DLGAP1: variants seen among roughly 807,000 people sequenced by gnomAD.
The protein encoded by DLGAP1 is DLG associated protein 1.
A neutral mutation model predicts 90.8 loss-of-function variants in DLGAP1; 11 were observed. The ratio of observed to expected loss-of-function variants is 0.12; its 90% CI spans 0.08 to 0.20. The LOEUF is 0.20. Among genes scored for constraint, DLGAP1 ranks in the 10% least tolerant of loss-of-function variants. The probability of loss-of-function intolerance (pLI) is 1.00; values close to 1 mark genes in which losing one functional copy is unlikely to be tolerated. For synonymous variants in DLGAP1, 558 were observed against 540.7 expected (o/e 1.03, Z -0.44); for missense variants, 1,050 against 1,333.8 (o/e 0.79, Z 3.31).
rs144507897 is a variant in DLGAP1 at position 3,802,141 on chromosome 18, T to C, written c.1172+11918A>G. Among the ~76,000 whole-genome samples the C allele has an allele frequency of 8.8e-3, 1,347 of 152,220 alleles. 14 individuals are homozygous for C. The highest frequency in any genetic ancestry group is 9.7e-3 in the Admixed American group (149 of 15,290). On this transcript the variant is annotated intron_variant, in intron 5 of 12. Coordinates refer to ENST00000315677, the MANE Select transcript of DLGAP1 (RefSeq NM_004746.4). ...CTGGGACTACAGGTGTGTGCCACCA[T>C]GCCTGGCTAATTTTTGTATTTTTAG...
intron 1 of DLGAP1, among the ~76,000 whole-genome samples, chr18:4,330,394 T>C (rs1033967187): frequency 4.0e-5 from 6 of 151,826 alleles, no homozygotes; most frequent in African/African-American, 1.5e-4. Flanking sequence ...CTATTTCCTT[T>C]TTTCTGTTTG....
intron 3 of DLGAP1, among the ~76,000 whole-genome samples, chr18:3,956,346 C>T (rs2073082602): frequency 6.6e-6 from 1 of 152,106 alleles, no homozygotes; most frequent in Admixed American, 6.5e-5. Flanking sequence ...ATCCCTTTAA[C>T]ATTTTTTTTT....
At chr18:4,415,518 C>T (rs11081105) in intron 1 of DLGAP1, among the ~76,000 whole-genome samples, 5,068 of 152,232 alleles carry the variant, frequency 0.033, 277 homozygotes, top group African/African-American at 0.11. Flanking sequence ...CATAATTCCT[C>T]ATACTGAATT....
intron 9 of DLGAP1, among the ~76,000 whole-genome samples, chr18:3,540,815 C>T (rs994556436): frequency 2.0e-5 from 3 of 152,026 alleles, no homozygotes; most frequent in African/African-American, 7.2e-5. Flanking sequence ...TTTCTCTACC[C>T]CAAATAATTG....
intron 5 of DLGAP1, among the ~76,000 whole-genome samples, chr18:3,747,236 A>G (rs569820696): frequency 3.4e-4 from 52 of 152,300 alleles, no homozygotes; most frequent in African/African-American, 1.1e-3. Flanking sequence ...AATGTGCCCT[A>G]TGGATCCTTC....
chr18:3,567,433 G>A (rs1388977323), intron 9 of DLGAP1, 57 bp downstream of exon 9: 8 of 1,421,504 alleles, frequency 5.6e-6, no homozygotes, highest in Non-Finnish European at 7.9e-6. Flanking sequence ...GGGGAAAAAT[G>A]CTTTTACCTT....
chr18:3,876,587 G>A (rs1193651225), intron 4 of DLGAP1, among the ~76,000 whole-genome samples: 1 of 152,178 alleles, frequency 6.6e-6, no homozygotes, highest in Admixed American at 6.5e-5. Context: ...AGGTGCTTTG[G>A]TGTCAAAGAC....
At chr18:4,159,981 G>T (rs1463686926) in intron 1 of DLGAP1, among the ~76,000 whole-genome samples, 2 of 152,128 alleles carry the variant, frequency 1.3e-5, no homozygotes, top group Admixed American at 6.5e-5. Context: ...TCACTTCTTC[G>T]CAAATAAGAT....
At chr18:3,754,422 AT>A (rs559436338) in intron 5 of DLGAP1, among the ~76,000 whole-genome samples, 2,975 of 150,372 alleles carry the variant, frequency 0.02, 52 homozygotes, top group Middle Eastern at 0.09. Context: ...ATGTATTGAA[AT>A]TTTTTTTTTG....
chr18:4,292,053 C>T (rs1484231948), intron 1 of DLGAP1, among the ~76,000 whole-genome samples: 1 of 152,054 alleles, frequency 6.6e-6, no homozygotes, highest in Non-Finnish European at 1.5e-5. Flanking sequence ...ACTAGAAATC[C>T]AGCAATCTAC....
intron 1 of DLGAP1, among the ~76,000 whole-genome samples, chr18:4,202,341 T>G (rs887389043): frequency 6.6e-6 from 1 of 152,152 alleles, no homozygotes; most frequent in Non-Finnish European, 1.5e-5. Flanking sequence ...TAATGGACAC[T>G]GGAGCCTCAG....
chr18:3,988,125 G>C (rs186041528), intron 3 of DLGAP1, among the ~76,000 whole-genome samples: 2 of 152,032 alleles, frequency 1.3e-5, no homozygotes, highest in Admixed American at 1.3e-4. Context: ...GGGGTGATGG[G>C]AGACAGTGAT....
intron 1 of DLGAP1, among the ~76,000 whole-genome samples, chr18:4,332,505 T>C (rs2080974736): frequency 6.6e-6 from 1 of 151,802 alleles, no homozygotes; most frequent in African/African-American, 2.4e-5. Context: ...ATAGTAAAGA[T>C]TAGCAAAAAC....
intron 1 of DLGAP1, among the ~76,000 whole-genome samples, chr18:4,411,242 T>G (rs186350651): frequency 6.6e-6 from 1 of 152,170 alleles, no homozygotes; most frequent in African/African-American, 2.4e-5. Flanking sequence ...GTACAAGGAA[T>G]AGTCCAAACA....
chr18:3,703,559 T>C (rs342486), intron 7 of DLGAP1, among the ~76,000 whole-genome samples: 64,927 of 152,116 alleles, frequency 0.43, 14,513 homozygotes, highest in African/African-American at 0.55. Context: ...GGAGAGCGAG[T>C]GGCTGTTGTC....
At chr18:4,282,130 C>T (rs1223447825) in intron 1 of DLGAP1, among the ~76,000 whole-genome samples, 9 of 152,116 alleles carry the variant, frequency 5.9e-5, no homozygotes, top group East Asian at 3.9e-4. Flanking sequence ...TTTGGGAGGC[C>T]GAGGCGGGCG....
At chr18:3,527,622 CCTCT>C (rs1202026224) in intron 10 of DLGAP1, among the ~76,000 whole-genome samples, 1 of 151,250 alleles carries the variant, frequency 6.6e-6, no homozygotes, top group African/African-American at 2.4e-5. Flanking sequence ...ACAGAGTCTC[CCTCT>C]GTCTCCCAGG....
rs1491507408 is a variant in DLGAP1 at position 3,647,469 on chromosome 18, CCT to C, written c.1592-65223_1592-65222del. ...AACATTATCTGATTTTATTTAAGCT[CCT>C]TTTTTTTTTTTTTAAACCGAGACTT... On this transcript the variant is annotated intron_variant, in intron 7 of 12. Transcript: ENST00000315677. Among the ~76,000 whole-genome samples, 7 of 147,378 alleles carry C rather than the reference CCT, an allele frequency of 4.7e-5. No homozygotes were observed. In the East Asian group the frequency reaches 1.4e-3, roughly 29 times the overall value.
intron 5 of DLGAP1, among the ~76,000 whole-genome samples, chr18:3,760,226 G>A (rs1167301465): frequency 6.6e-6 from 1 of 152,166 alleles, no homozygotes. Context: ...GTGACAAGAG[G>A]CCCAGTGGGA....
Sources: gnomAD v4.1 joint callset for allele counts (sites outside exome capture counted in the v4.1 genomes callset) on GRCh38, gnomAD v4.1.1 for gene constraint, MANE v1.5 for transcripts, NCBI Gene and HGNC (gene_info 2026-07-23, HGNC 2026-07-21) for gene names.